CNTNAP4: variants seen among roughly 807,000 people sequenced by gnomAD.
CNTNAP4 encodes contactin-associated protein-like 4.
Under a neutral mutation model 148.4 loss-of-function variants are expected in CNTNAP4, and 98 were observed. That is an observed-to-expected ratio of 0.66 (90% confidence interval 0.56 to 0.78). The LOEUF is 0.78. Ranked by LOEUF, CNTNAP4 falls within the 30% of genes least tolerant of loss-of-function variation. The pLI is 0.00. For synonymous variants in CNTNAP4, 730 were observed against 565.1 expected, an observed-to-expected ratio of 1.29 and a Z score of -4.14; for missense variants, 1,935 against 1,565.6, an observed-to-expected ratio of 1.24 and a Z score of -3.98.
chr16:76,359,160 A>G (rs1317331308), intron 3 of CNTNAP4, among the ~76,000 whole-genome samples: 1 of 152,168 alleles, frequency 6.6e-6, no homozygotes, highest in Non-Finnish European at 1.5e-5. Flanking sequence ...GTTACATTTT[A>G]CAAATGTGTA....
chr16:76,339,339 G>T (rs1964277083), intron 2 of CNTNAP4, among the ~76,000 whole-genome samples: 1 of 152,024 alleles, frequency 6.6e-6, no homozygotes, highest in South Asian at 2.1e-4. Flanking sequence ...AGCTTAAAAA[G>T]CTACTACGAT....
chr16:76,289,459 G>C (rs1195265087), intron 1 of CNTNAP4, among the ~76,000 whole-genome samples: 3 of 150,498 alleles, frequency 2.0e-5, no homozygotes, highest in Non-Finnish European at 4.4e-5. Context: ...AAAGCAGTGT[G>C]ACCACAGCCT....
chr16:76,387,342 C>T (rs2016599292), intron 3 of CNTNAP4, among the ~76,000 whole-genome samples: 1 of 152,194 alleles, frequency 6.6e-6, no homozygotes, highest in Admixed American at 6.5e-5. Flanking sequence ...GAGAGAAGCT[C>T]ATTCTCAGTT....
chr16:76,375,287 T>C (rs1439970485), intron 3 of CNTNAP4, among the ~76,000 whole-genome samples: 1 of 152,006 alleles, frequency 6.6e-6, no homozygotes, highest in Non-Finnish European at 1.5e-5. Flanking sequence ...CCAGGCGTGG[T>C]GGCATGTGCC....
At chr16:76,483,429 C>T (rs1568354923) in intron 12 of CNTNAP4, among the ~76,000 whole-genome samples, 1 of 152,148 alleles carries the variant, frequency 6.6e-6, no homozygotes, top group Non-Finnish European at 1.5e-5. Context: ...CCAATCAATA[C>T]ATAATCTTGT....
At position 76,538,304 on chromosome 16, in the gene CNTNAP4, T is replaced by C. The variant is rs776170159; in HGVS notation, c.3184T>C (p.Tyr1062His). Reference sequence around the variant, plus strand: ...CTTGCTGCTTTTTGTGAGCTCCTTTTACAAAGAATACCTTTCTGTGATCAT... The same window carrying C: ...CTTGCTGCTTTTTGTGAGCTCCTTTCACAAAGAATACCTTTCTGTGATCAT... ...PSLLLFVSSF[Y>H]KEYLSVIIAK... The change falls in exon 19 of 24, where the codon TAC (tyrosine) becomes CAC (histidine). Residue 1062 changes from tyrosine to histidine, a missense_variant. Tyr to His is a moderately conservative substitution (Grantham distance 83). Coordinates refer to ENST00000611870, the MANE Select transcript of CNTNAP4 (RefSeq NM_033401.5). 5.6e-6 allele frequency: 9 copies of C among 1,605,562 alleles called. No homozygotes were observed. In the South Asian group the frequency reaches 8.9e-5, roughly 16 times the overall value.
At chr16:76,455,740 A>G (rs2080703679) in intron 8 of CNTNAP4, among the ~76,000 whole-genome samples, 1 of 152,174 alleles carries the variant, frequency 6.6e-6, no homozygotes, top group African/African-American at 2.4e-5. Context: ...TTCCCTGAGG[A>G]ATGGCCTAGG....
intron 3 of CNTNAP4, among the ~76,000 whole-genome samples, chr16:76,400,789 A>G (rs954739365): frequency 9.9e-5 from 15 of 152,204 alleles, no homozygotes; most frequent in African/African-American, 3.6e-4. Flanking sequence ...TATTTATTGA[A>G]TAAGGGGTCC....
intron 17 of CNTNAP4, among the ~76,000 whole-genome samples, chr16:76,528,116 A>C (rs1441736136): frequency 6.6e-6 from 1 of 152,322 alleles, no homozygotes; most frequent in African/African-American, 2.4e-5. Context: ...GAAATATATT[A>C]ATTTGAGATA....
intron 2 of CNTNAP4, among the ~76,000 whole-genome samples, chr16:76,343,933 CATTT>C (rs1472102584): frequency 6.6e-6 from 1 of 152,136 alleles, no homozygotes; most frequent in Non-Finnish European, 1.5e-5. Context: ...GCATTCCTCT[CATTT>C]GTTTGTAGGC....
intron 3 of CNTNAP4, among the ~76,000 whole-genome samples, chr16:76,424,177 T>A (rs1470008181): frequency 6.6e-6 from 1 of 152,202 alleles, no homozygotes; most frequent in African/African-American, 2.4e-5. Flanking sequence ...CATTTGCAGA[T>A]GTCTTATTCC....
rs151237389 is a variant in CNTNAP4, at chr16:76,354,567, A to C, written c.197-751A>C. ...GGGGTGAGGGCAGGTGCTTATTTGC[A>C]GAGTTTGCAGTTTCCGTGGTTTAAA... On this transcript the variant is annotated intron_variant, in intron 2 of 23. Transcript: ENST00000611870. 3.5e-3 allele frequency among the ~76,000 whole-genome samples: 538 copies of C among 152,268 alleles called. 4 individuals are homozygous for C. The highest frequency in any genetic ancestry group is 0.012 in the Admixed American group (179 of 15,290).
At chr16:76,471,974 T>C (rs962874469) in intron 10 of CNTNAP4, among the ~76,000 whole-genome samples, 1 of 152,236 alleles carries the variant, frequency 6.6e-6, no homozygotes, top group South Asian at 2.1e-4. Flanking sequence ...GTATGAAAGT[T>C]TTTGAAATTT....
intron 9 of CNTNAP4, 68 bp downstream of exon 9, chr16:76,462,173 G>A (rs888463885): frequency 2.5e-5 from 34 of 1,362,708 alleles, no homozygotes; most frequent in Admixed American, 1.1e-4. Context: ...GTGTCTTGGC[G>A]AAGTCATCAT....
At chr16:76,347,593 A>G (rs1370304242) in intron 2 of CNTNAP4, among the ~76,000 whole-genome samples, 1 of 152,214 alleles carries the variant, frequency 6.6e-6, no homozygotes, top group African/African-American at 2.4e-5. Flanking sequence ...GGAATTTTAA[A>G]TGGGAGGACA....
chr16:76,543,628 C>T (rs1043329015), intron 21 of CNTNAP4, among the ~76,000 whole-genome samples: 4 of 152,168 alleles, frequency 2.6e-5, no homozygotes, highest in Admixed American at 2.6e-4. Context: ...GACCAATGTG[C>T]AGTCTAAGAA....
chr16:76,501,113 T>TA (rs1391295585), intron 15 of CNTNAP4, among the ~76,000 whole-genome samples: 5 of 152,236 alleles, frequency 3.3e-5, no homozygotes, highest in Non-Finnish European at 7.3e-5. Flanking sequence ...TTTACCATTA[T>TA]ACTCACCATC....
intron 4 of CNTNAP4, among the ~76,000 whole-genome samples, chr16:76,431,374 A>G (rs909830504): frequency 1.3e-5 from 2 of 152,126 alleles, no homozygotes; most frequent in African/African-American, 2.4e-5. Flanking sequence ...CTAGAGGAAC[A>G]GCAATCAGTA....
intron 1 of CNTNAP4, among the ~76,000 whole-genome samples, chr16:76,292,112 A>G (rs1959139641): frequency 7.2e-5 from 11 of 152,122 alleles, no homozygotes; most frequent in Admixed American, 7.2e-4. Flanking sequence ...GGCTCCCTTA[A>G]GATTCTTGTA....
Sources: allele counts gnomAD v4.1 joint callset (sites outside exome capture counted in the v4.1 genomes callset), GRCh38; gene constraint gnomAD v4.1.1; transcripts MANE v1.5; gene names NCBI Gene and HGNC (gene_info 2026-07-23, HGNC 2026-07-21).